Variants in LYPD6 observed in about 807,000 individuals in gnomAD.
LYPD6 encodes the protein ly6/PLAUR domain-containing protein 6.
In LYPD6, 15 loss-of-function variants were observed where a neutral mutation model predicts 22.7. The observed-to-expected ratio is 0.66, with a 90% CI of 0.44 to 1.02. LYPD6 has a LOEUF of 1.02. Among genes scored for constraint, LYPD6 ranks in the 50% least tolerant of loss-of-function variants. LYPD6 has a pLI of 0.00. For synonymous variants in LYPD6, 72 were observed against 77.5 expected (o/e 0.93, Z 0.37); for missense variants, 189 against 208.4 (o/e 0.91, Z 0.57).
intron 1 of LYPD6, among the ~76,000 whole-genome samples, chr2:149,403,300 C>T (rs1457468853): frequency 7.3e-5 from 11 of 150,330 alleles, no homozygotes; most frequent in South Asian, 2.1e-4. Context: ...CCTGAGGAAT[C>T]GCCACACTGA....
chr2:149,363,221 CAAGAG>C (rs1681602571), intron 1 of LYPD6, among the ~76,000 whole-genome samples: 4 of 152,152 alleles, frequency 2.6e-5, no homozygotes, highest in Non-Finnish European at 5.9e-5. Context: ...CTTGACTAAT[CAAGAG>C]AATTGTTCTC....
chr2:149,455,059 C>CACCA (rs1366813815), intron 3 of LYPD6, among the ~76,000 whole-genome samples: 4 of 152,110 alleles, frequency 2.6e-5, no homozygotes, highest in Non-Finnish European at 1.5e-5. Context: ...GAATGTCAGG[C>CACCA]ACCACTCAGG....
chr2:149,447,776 C>G (rs1683720261), intron 2 of LYPD6, among the ~76,000 whole-genome samples: 1 of 152,138 alleles, frequency 6.6e-6, no homozygotes, highest in Non-Finnish European at 1.5e-5. Context: ...TATTAGAAAT[C>G]CAGAGAATGC....
chr2:149,365,598 A>G (rs1389814938), intron 1 of LYPD6, among the ~76,000 whole-genome samples: 1 of 151,992 alleles, frequency 6.6e-6, no homozygotes, highest in East Asian at 1.9e-4. Context: ...CTACATATTT[A>G]CAGCTGTGTT....
At chr2:149,485,223 A>G in the LYPD6 span, among the ~76,000 whole-genome samples, 1 of 152,136 alleles carries the variant, frequency 6.6e-6, no homozygotes, top group Non-Finnish European at 1.5e-5. Context: ...AGGGGAGAAA[A>G]TTTTGTACTT....
chr2:149,389,575 A>G (rs762296396), intron 1 of LYPD6, among the ~76,000 whole-genome samples: 8 of 152,160 alleles, frequency 5.3e-5, no homozygotes, highest in Non-Finnish European at 8.8e-5. Context: ...TACAAACTGA[A>G]TCCAGGGACG....
intron 1 of LYPD6, among the ~76,000 whole-genome samples, chr2:149,331,168 G>A (rs1053032542): frequency 2.0e-5 from 3 of 152,126 alleles, no homozygotes; most frequent in South Asian, 2.1e-4. Flanking sequence ...GCGGTAGCCC[G>A]GCTGCGGCCA....
At chr2:149,408,646 A>G (rs2105119471) in intron 1 of LYPD6, among the ~76,000 whole-genome samples, 1 of 152,278 alleles carries the variant, frequency 6.6e-6, no homozygotes. Context: ...GTTAATTTGA[A>G]AGCCTTGTCT....
At chr2:149,346,901 AT>A (rs1681266603) in intron 1 of LYPD6, among the ~76,000 whole-genome samples, 1 of 152,082 alleles carries the variant, frequency 6.6e-6, no homozygotes, top group South Asian at 2.1e-4. Context: ...GGGTTTCACC[AT>A]GTTGGCCAGG....
At chr2:149,347,054 T>A (rs1681269989) in intron 1 of LYPD6, among the ~76,000 whole-genome samples, 1 of 152,132 alleles carries the variant, frequency 6.6e-6, no homozygotes, top group Non-Finnish European at 1.5e-5. Context: ...GAGGTCAAGG[T>A]GCTGGCAGGT....
chr2:149,454,653 A>C (rs1680909594), intron 3 of LYPD6, among the ~76,000 whole-genome samples: 1 of 152,110 alleles, frequency 6.6e-6, no homozygotes, highest in South Asian at 2.1e-4. Context: ...GCTTTACTAG[A>C]TACTGCCTGA....
intron 3 of LYPD6, among the ~76,000 whole-genome samples, chr2:149,458,659 A>T (rs149985224): frequency 6.6e-6 from 1 of 152,236 alleles, no homozygotes; most frequent in Non-Finnish European, 1.5e-5. Flanking sequence ...TAAAGCAGCC[A>T]TAATAAAAAT....
chr2:149,410,220 T>C (rs1422803735), intron 1 of LYPD6, among the ~76,000 whole-genome samples: 1 of 152,250 alleles, frequency 6.6e-6, no homozygotes, highest in African/African-American at 2.4e-5. Flanking sequence ...AATTCCTTTT[T>C]TATTTTTCTC....
intron 3 of LYPD6, among the ~76,000 whole-genome samples, chr2:149,457,523 C>T (rs1331435892): frequency 2.6e-5 from 4 of 152,172 alleles, no homozygotes; most frequent in African/African-American, 9.7e-5. Context: ...CAACCAGGAG[C>T]AATTCCCTCT....
intron 1 of LYPD6, among the ~76,000 whole-genome samples, chr2:149,388,058 A>G (rs1427051915): frequency 6.6e-6 from 1 of 152,178 alleles, no homozygotes; most frequent in Non-Finnish European, 1.5e-5. Flanking sequence ...CCTTACTTAA[A>G]TCACCTTATG....
chr2:149,351,593 A>G (rs1212905689), intron 1 of LYPD6, among the ~76,000 whole-genome samples: 1 of 152,118 alleles, frequency 6.6e-6, no homozygotes, highest in Non-Finnish European at 1.5e-5. Context: ...AATATTCTCT[A>G]GATTATTATT....
At chr2:149,444,033 A>G (rs1471559373) in intron 2 of LYPD6, among the ~76,000 whole-genome samples, 1 of 149,916 alleles carries the variant, frequency 6.7e-6, no homozygotes, top group Non-Finnish European at 1.5e-5. Flanking sequence ...ACCTGGGCTC[A>G]AGCGATCCTC....
intron 1 of LYPD6, among the ~76,000 whole-genome samples, chr2:149,404,235 T>G (rs1682636590): frequency 6.6e-6 from 1 of 152,210 alleles, no homozygotes; most frequent in Non-Finnish European, 1.5e-5. Flanking sequence ...TGGTTCCATA[T>G]GAACTTTAAA....
chr2:149,449,794 AGG>A, intron 3 of LYPD6, among the ~76,000 whole-genome samples: 1 of 152,138 alleles, frequency 6.6e-6, no homozygotes, highest in Non-Finnish European at 1.5e-5. Flanking sequence ...TTTACTTTGG[AGG>A]AAAGTCTATT....
Sources: gnomAD v4.1 joint callset for allele counts (sites outside exome capture counted in the v4.1 genomes callset) on GRCh38, gnomAD v4.1.1 for gene constraint, MANE v1.5 for transcripts, NCBI Gene and HGNC (gene_info 2026-07-23, HGNC 2026-07-21) for gene names.